The following LNPK variants were observed in gnomAD, a reference collection of about 807,000 sequenced individuals.
LNPK encodes lunapark, ER junction formation factor.
A neutral mutation model predicts 55.2 loss-of-function variants in LNPK; 29 were observed. The ratio of observed to expected loss-of-function variants is 0.53; its 90% CI spans 0.39 to 0.72. LNPK has a LOEUF of 0.72. Ranked by LOEUF, LNPK falls within the 30% of genes least tolerant of loss-of-function variation. The probability of loss-of-function intolerance (pLI) is 0.00; values close to 1 mark genes in which losing one functional copy is unlikely to be tolerated. For synonymous variants in LNPK, 162 were observed against 168.2 expected, an observed-to-expected ratio of 0.96 and a Z score of 0.29; for missense variants, 467 against 494.8, an observed-to-expected ratio of 0.94 and a Z score of 0.53.
intron 4 of LNPK, among the ~76,000 whole-genome samples, chr2:175,982,329 A>C (rs1459032487): frequency 1.3e-5 from 2 of 152,230 alleles, no homozygotes; most frequent in Admixed American, 1.3e-4. Flanking sequence ...TTTAAAAAGC[A>C]TATATAATTG....
In LNPK at chr2:175,947,738, A is replaced by G. The variant is rs569464914; in HGVS notation, c.494-46T>C. 2.0e-4 allele frequency: 267 copies of G among 1,303,042 alleles called. 5 individuals are homozygous for G. The South Asian group carries it at 3.3e-3, about 16-fold the overall frequency. The allele number at this position is 1,303,042 out of a possible 1,614,324, so 80.7% of individuals were successfully genotyped here. A position where few individuals can be genotyped will look rare whatever the true frequency, so the allele number is the denominator to read the frequency against. ...CTAGACTTAATTTCCAATATACCAT[A>G]TTAGCCAGTATCACAAACAATTTAT... is the stretch of plus-strand genomic sequence containing the variant. On this transcript the variant is annotated intron_variant, in intron 8 of 12. Transcript: ENST00000272748.
chr2:175,936,670 C>A (rs1225290072), intron 12 of LNPK, among the ~76,000 whole-genome samples: 1 of 152,086 alleles, frequency 6.6e-6, no homozygotes, highest in Non-Finnish European at 1.5e-5. Flanking sequence ...TCTTCCACCT[C>A]ATCTTTTCCA....
chr2:175,930,279 C>T (rs1275620975), intron 12 of LNPK, 80 bp from the exon 13 acceptor site: 1 of 95,838 alleles, frequency 1.0e-5, no homozygotes, highest in Non-Finnish European at 2.0e-5. Flanking sequence ...AAGATAAACA[C>T]ACACACACAC....
intron 8 of LNPK, among the ~76,000 whole-genome samples, chr2:175,960,275 C>T (rs547224612): frequency 5.9e-5 from 9 of 152,254 alleles, no homozygotes; most frequent in South Asian, 2.1e-4. Context: ...AGCATCACAT[C>T]GCACTTACTC....
At position 175,939,540 on chromosome 2, in the gene LNPK, A is replaced by C. The variant is rs1221289116; in HGVS notation, c.812+12T>G. ...TTCATTTTCATTTATCTACCACCTTAGTAAATATTACCTGTTTTGTGGACC... is the reference window on the plus strand; with the variant it reads ...TTCATTTTCATTTATCTACCACCTTCGTAAATATTACCTGTTTTGTGGACC... On this transcript the variant is annotated intron_variant, in intron 10 of 12. Coordinates refer to ENST00000272748, the MANE Select transcript of LNPK (RefSeq NM_030650.3). 1 of 1,355,942 alleles carries C rather than the reference A, an allele frequency of 7.4e-7. No individual in the cohort carries two copies. Among genetic ancestry groups the C allele is most frequent in the Admixed American group, 1.7e-5 (1 of 58,580 alleles). The allele number at this position is 1,355,942 out of a possible 1,614,324, so 84.0% of individuals were successfully genotyped here. A position where few individuals can be genotyped will look rare whatever the true frequency, so the allele number is the denominator to read the frequency against.
intron 4 of LNPK, among the ~76,000 whole-genome samples, chr2:175,983,953 G>A: frequency 6.6e-6 from 1 of 150,650 alleles, no homozygotes; most frequent in Non-Finnish European, 1.5e-5. Flanking sequence ...AAAAATTTAA[G>A]GTATAGAAAA....
At chr2:175,950,386 T>A (rs1251160706) in intron 8 of LNPK, among the ~76,000 whole-genome samples, 1 of 152,064 alleles carries the variant, frequency 6.6e-6, no homozygotes, top group East Asian at 1.9e-4. Context: ...TCATTCAAAA[T>A]AGCTAGAAGA....
At chr2:175,988,008 T>C (rs1687507872) in intron 4 of LNPK, among the ~76,000 whole-genome samples, 1 of 152,216 alleles carries the variant, frequency 6.6e-6, no homozygotes, top group Non-Finnish European at 1.5e-5. Context: ...TCAATCAATA[T>C]AACTAAACCT....
intron 4 of LNPK, among the ~76,000 whole-genome samples, chr2:175,983,361 A>G (rs1301713754): frequency 6.6e-6 from 1 of 152,226 alleles, no homozygotes; most frequent in Non-Finnish European, 1.5e-5. Flanking sequence ...ACAGCTAAAC[A>G]AATTCACACA....
intron 9 of LNPK, among the ~76,000 whole-genome samples, chr2:175,946,038 T>C (rs1244434190): frequency 6.6e-6 from 1 of 152,174 alleles, no homozygotes; most frequent in Non-Finnish European, 1.5e-5. Context: ...ATTTAACTCA[T>C]TCACATTTTT....
chr2:175,944,487 C>T (rs766938940), intron 9 of LNPK, among the ~76,000 whole-genome samples: 8 of 152,100 alleles, frequency 5.3e-5, no homozygotes, highest in Non-Finnish European at 1.2e-4. Context: ...GAACTATTTG[C>T]AGGAGATACT....
rs755259313 is a variant in LNPK at position 175,992,268 on chromosome 2, G to C, written c.220C>G (p.Leu74Val). ...GCAAAAAATGGGAGTGTCATGGCAA[G>C]TCTTGCTGTAAATTCATCAGGAAGA... ...WYLPDEFTAR[L>V]AMTLPFFAFP... Residue 74 changes from leucine to valine, a missense_variant, in exon 4 of 13, where the codon CTT (leucine) becomes GTT (valine). Leu to Val is a conservative substitution (Grantham distance 32). Transcript: ENST00000272748. 6.4e-7 allele frequency: 1 copy of C among 1,564,102 alleles called. No homozygotes were observed. The highest frequency in any genetic ancestry group is 1.2e-5 in the South Asian group (1 of 80,986).
chr2:175,963,384 G>A (rs1341475763), intron 8 of LNPK, among the ~76,000 whole-genome samples: 13 of 152,060 alleles, frequency 8.5e-5, no homozygotes, highest in African/African-American at 3.1e-4. Flanking sequence ...CATAAAAAAT[G>A]ATGAGTTCAT....
intron 6 of LNPK, 74 bp downstream of exon 6, chr2:175,970,690 T>G: frequency 1.2e-6 from 1 of 822,928 alleles, no homozygotes; most frequent in Non-Finnish European, 1.7e-6. Context: ...GTTATTAACT[T>G]CCAACACATA....
At chr2:175,958,821 T>C (rs1207318725) in intron 8 of LNPK, among the ~76,000 whole-genome samples, 1 of 151,948 alleles carries the variant, frequency 6.6e-6, no homozygotes, top group African/African-American at 2.4e-5. Context: ...CTATAAACCT[T>C]GAAAAAAGAT....
chr2:175,927,807 T>TA lies in LNPK; in HGVS notation c.*2159_*2160insT, dbSNP rs1684077853. The TA allele has an allele frequency of 6.9e-6, 1 of 145,892 alleles. No homozygotes were observed. The highest frequency in any genetic ancestry group is 1.5e-5 in the Non-Finnish European group (1 of 64,850). 9.0% of individuals were successfully genotyped at this position (145,892 alleles called of 1,614,324 possible). On this transcript the variant is annotated 3_prime_UTR_variant, in exon 13 of 13. Coordinates refer to ENST00000272748, the MANE Select transcript of LNPK (RefSeq NM_030650.3). ...TATAATAATAATGAAAATAAGCTTT[T>TA]GTATCTAAAAGGATACTATATGGTT...
chr2:175,984,740 T>G (rs989591544), intron 4 of LNPK, among the ~76,000 whole-genome samples: 1 of 151,986 alleles, frequency 6.6e-6, no homozygotes, highest in Non-Finnish European at 1.5e-5. Context: ...GAAGAGAAAC[T>G]AGATCACTCA....
intron 8 of LNPK, among the ~76,000 whole-genome samples, chr2:175,959,094 G>C (rs1009577627): frequency 1.3e-5 from 2 of 152,200 alleles, no homozygotes; most frequent in African/African-American, 4.8e-5. Flanking sequence ...CGTTTCATTG[G>C]TGTACCTGAA....
intron 8 of LNPK, among the ~76,000 whole-genome samples, chr2:175,957,845 A>G (rs1019680894): frequency 1.3e-5 from 2 of 152,102 alleles, no homozygotes; most frequent in African/African-American, 2.4e-5. Flanking sequence ...AAATCGGTAC[A>G]CTCCCGCCCT....
Sources: allele counts gnomAD v4.1 joint callset (sites outside exome capture counted in the v4.1 genomes callset), GRCh38; gene constraint gnomAD v4.1.1; transcripts MANE v1.5; gene names NCBI Gene and HGNC (gene_info 2026-07-23, HGNC 2026-07-21).